The following KIF25 variants were observed in gnomAD, a reference collection of about 807,000 sequenced individuals.
The protein encoded by KIF25 is kinesin-like protein KIF25.
Under a neutral mutation model 32.9 loss-of-function variants are expected in KIF25, and 19 were observed. The ratio of observed to expected loss-of-function variants is 0.58; its 90% CI spans 0.40 to 0.85. The LOEUF (loss-of-function observed/expected upper bound fraction) is 0.85. Ranked by LOEUF, KIF25 falls within the 40% of genes least tolerant of loss-of-function variation. KIF25 has a pLI of 0.00. For synonymous variants in KIF25, 225 were observed against 213.7 expected (o/e 1.05, Z -0.46); for missense variants, 485 against 507.0 (o/e 0.96, Z 0.42).
intron 10 of KIF25, among the ~76,000 whole-genome samples, chr6:168,041,594 C>T (rs868833769): frequency 4.6e-5 from 7 of 152,022 alleles, no homozygotes; most frequent in South Asian, 2.1e-4. Context: ...AATTAAGAGC[C>T]CTTTTGTTAG....
rs543457323 is a variant in KIF25, at chr6:168,044,649, C to T, written c.986-178C>T. Reference sequence around the variant, plus strand: ...GACCCGGGTGAGGGGCGCTAGTGACCGGCTGCTGACCCTCCTGGACCCCCG... The same window carrying T: ...GACCCGGGTGAGGGGCGCTAGTGACTGGCTGCTGACCCTCCTGGACCCCCG... On this transcript the variant is annotated intron_variant, in intron 12 of 12. Transcript: ENST00000643607. Among the ~76,000 whole-genome samples, 12 of 152,272 alleles carry T rather than the reference C, an allele frequency of 7.9e-5. No homozygotes were observed. The East Asian group carries it at 1.2e-3, about 15-fold the overall frequency.
At chr6:168,038,430 C>T in intron 8 of KIF25, 123 bp from the exon 9 acceptor site, 1 of 890,564 alleles carries the variant, frequency 1.1e-6, no homozygotes, top group South Asian at 1.6e-5. Context: ...AACATGCAGC[C>T]CTCTGCTCGG....
At chr6:168,027,019 G>C (rs1798869056) in intron 5 of KIF25, among the ~76,000 whole-genome samples, 2 of 152,176 alleles carry the variant, frequency 1.3e-5, no homozygotes, top group Non-Finnish European at 2.9e-5. Flanking sequence ...CCAAGACCTA[G>C]AGCTGTAGGG....
chr6:168,035,165 T>A (rs1457865900), intron 8 of KIF25, among the ~76,000 whole-genome samples: 1 of 151,732 alleles, frequency 6.6e-6, no homozygotes, highest in African/African-American at 2.4e-5. Context: ...CCGCCGCGTC[T>A]CTTCTCGTCT....
chr6:168,037,770 G>A (rs1448214323), intron 8 of KIF25, among the ~76,000 whole-genome samples: 1 of 151,892 alleles, frequency 6.6e-6, no homozygotes, highest in Non-Finnish European at 1.5e-5. Context: ...TTGAGATGGA[G>A]TCTTGCTCTG....
At chr6:168,003,812 G>T (rs537295173) in intron 4 of KIF25, 109 bp downstream of exon 4, 1 of 151,244 alleles carries the variant, frequency 6.6e-6, no homozygotes, top group East Asian at 2.0e-4. Context: ...AGTTGTTTTT[G>T]TTCCTTGATT....
At chr6:167,999,958 CTCCCATCCT>C (rs1798474600) in intron 2 of KIF25, among the ~76,000 whole-genome samples, 1 of 136,722 alleles carries the variant, frequency 7.3e-6, no homozygotes, top group Non-Finnish European at 1.6e-5. Context: ...ACCCTCCCCA[CTCCCATCCT>C]GACCACACCT....
intron 8 of KIF25, among the ~76,000 whole-genome samples, chr6:168,037,451 G>A (rs1279870484): frequency 6.6e-6 from 1 of 152,090 alleles, no homozygotes; most frequent in Non-Finnish European, 1.5e-5. Context: ...GCTCACCATC[G>A]GATTGACATC....
At chr6:168,032,334 TG>T (rs1798953625) in intron 7 of KIF25, among the ~76,000 whole-genome samples, 1 of 152,258 alleles carries the variant, frequency 6.6e-6, no homozygotes, top group Admixed American at 6.5e-5. Context: ...CATTCTTAAA[TG>T]GTTGAAAGAC....
chr6:167,999,835 A>G (rs1230273535), intron 2 of KIF25, among the ~76,000 whole-genome samples: 1 of 152,140 alleles, frequency 6.6e-6, no homozygotes, highest in Non-Finnish European at 1.5e-5. Flanking sequence ...TGCTTACTTG[A>G]AAACCATACT....
chr6:168,030,602 A>T (rs9455939), intron 6 of KIF25, 171 bp from the exon 7 acceptor site: 2 of 502,718 alleles, frequency 4.0e-6, no homozygotes, highest in South Asian at 3.1e-5. Flanking sequence ...ACTCTTTATT[A>T]ACCTCTGTTA....
chr6:168,044,285 G>C, intron 12 of KIF25, among the ~76,000 whole-genome samples: 1 of 133,676 alleles, frequency 7.5e-6, no homozygotes, highest in African/African-American at 3.0e-5. Flanking sequence ...TGACCCTCCC[G>C]GACCCAGGTG....
chr6:168,030,726 G>T (rs747786149), intron 6 of KIF25, 47 bp from the exon 7 acceptor site: 74 of 1,513,302 alleles, frequency 4.9e-5, no homozygotes, highest in Non-Finnish European at 6.4e-5. Context: ...TGCTAGAGCC[G>T]CTTTCTGCTG....
At chr6:168,038,517 A>G (rs553734095) in intron 8 of KIF25, 36 bp from the exon 9 acceptor site, 1 of 1,608,174 alleles carries the variant, frequency 6.2e-7, no homozygotes, top group Non-Finnish European at 8.5e-7. Context: ...ACTCTGTGAG[A>G]CTTTCTGTAA....
chr6:168,029,712 G>T (rs759279638), intron 6 of KIF25, 35 bp downstream of exon 6: 14 of 1,590,876 alleles, frequency 8.8e-6, no homozygotes, highest in Non-Finnish European at 1.2e-5. Context: ...CCAGGCCTGG[G>T]TCTGGAGCCG....
At chr6:168,013,926 C>A (rs1298327365) in intron 4 of KIF25, among the ~76,000 whole-genome samples, 2 of 152,082 alleles carry the variant, frequency 1.3e-5, no homozygotes, top group Non-Finnish European at 2.9e-5. Context: ...TTGCCTTGGT[C>A]CTTTCTTGGG....
At chr6:168,010,255 T>A (rs1798631101) in intron 4 of KIF25, among the ~76,000 whole-genome samples, 1 of 152,070 alleles carries the variant, frequency 6.6e-6, no homozygotes, top group Non-Finnish European at 1.5e-5. Flanking sequence ...AATGATATAT[T>A]TCTATTTTAA....
rs139595539 is a variant in KIF25, at chr6:168,040,136, C to A, written c.566C>A (p.Thr189Asn). 6.2e-7 allele frequency: 1 copy of A among 1,614,114 alleles called. No individual in the cohort carries two copies. The highest frequency in any genetic ancestry group is 8.5e-7 in the Non-Finnish European group (1 of 1,180,016). Residue 189 changes from threonine to asparagine, a missense_variant, in exon 10 of 13, where the codon ACC becomes AAC. Transcript: ENST00000643607. ...CTGCAGCTCAGGGCGAAGCACCCCA[C>A]CCTGGTGCACGCGGATTCCTCCAGG... ...GGLQLRAKHP[T>N]LVHADSSRSH...
At position 168,038,124 on chromosome 6, in the gene KIF25, A is replaced by C. The variant is rs141189863; in HGVS notation, c.318-429A>C. On this transcript the variant is annotated intron_variant, in intron 8 of 12. Transcript: ENST00000643607. ...AAACTCTGGACTGAAGCTTCCCTGA[A>C]GTGGAAAAGTTTTAAAATAAACAAA... Among the ~76,000 whole-genome samples, 264 of 152,342 alleles carry C rather than the reference A, an allele frequency of 1.7e-3. 1 individual carries two copies. The highest frequency in any genetic ancestry group is 5.2e-3 in the African/African-American group (215 of 41,578).
Sources: allele counts gnomAD v4.1 joint callset (sites outside exome capture counted in the v4.1 genomes callset), GRCh38; gene constraint gnomAD v4.1.1; transcripts MANE v1.5; gene names NCBI Gene and HGNC (gene_info 2026-07-23, HGNC 2026-07-21).